The following C12orf42 variants were observed in gnomAD, a reference collection of about 807,000 sequenced individuals.
C12orf42 encodes the protein chromosome 12 open reading frame 42, also known as uncharacterized protein C12orf42.
C12orf42 carries 25 observed loss-of-function variants against 21.6 expected under a neutral mutation model. The observed-to-expected ratio is 1.16, with a 90% confidence interval of 0.84 to 1.62. C12orf42 has a LOEUF of 1.62. Among genes scored for constraint, C12orf42 ranks in the 40% most tolerant of loss-of-function variants. The probability of loss-of-function intolerance (pLI) is 0.00; values close to 1 mark genes in which losing one functional copy is unlikely to be tolerated. For missense variants in C12orf42, 483 were observed against 459.3 expected (o/e 1.05, Z -0.47); for synonymous variants, 174 against 175.0 (o/e 0.99, Z 0.05).
At chr12:103,079,176 A>G in the C12orf42 span, among the ~76,000 whole-genome samples, 1 of 152,160 alleles carries the variant, frequency 6.6e-6, no homozygotes, top group Non-Finnish European at 1.5e-5. Context: ...AATTTTATAG[A>G]TTAAGGAGCC....
chr12:103,370,760 G>GA (rs887974305), intron 3 of C12orf42, among the ~76,000 whole-genome samples: 4 of 151,976 alleles, frequency 2.6e-5, no homozygotes, highest in African/African-American at 7.2e-5. Flanking sequence ...GAAAGAATCA[G>GA]AAAAAATACC....
chr12:103,463,048 C>T (rs552616642), intron 2 of C12orf42, among the ~76,000 whole-genome samples: 32 of 152,242 alleles, frequency 2.1e-4, no homozygotes, highest in African/African-American at 7.0e-4. Flanking sequence ...CCCTCATTTC[C>T]AACTGAAAAG....
At chr12:103,194,080 T>C in the C12orf42 span, among the ~76,000 whole-genome samples, 2 of 152,064 alleles carry the variant, frequency 1.3e-5, no homozygotes, top group East Asian at 3.9e-4. Flanking sequence ...AATCATATTA[T>C]CATCTCAATA....
the C12orf42 span, among the ~76,000 whole-genome samples, chr12:103,210,639 C>CTTTTTTTTTTTT: frequency 5.1e-3 from 397 of 77,344 alleles, 1 homozygote; most frequent in Non-Finnish European, 7.0e-3. Context: ...CCCTCTATTT[C>CTTTTTTTTTTTT]TTTTTTTTTT....
chr12:103,369,259 C>T (rs953573178), intron 3 of C12orf42, among the ~76,000 whole-genome samples: 2 of 151,834 alleles, frequency 1.3e-5, no homozygotes, highest in Admixed American at 1.3e-4. Flanking sequence ...TATTCAGTTA[C>T]ACTATATGCT....
At chr12:103,422,494 G>A (rs561213415) in intron 2 of C12orf42, among the ~76,000 whole-genome samples, 67 of 152,204 alleles carry the variant, frequency 4.4e-4, no homozygotes, top group East Asian at 1.2e-3. Flanking sequence ...TACTGGATGC[G>A]GTACATTTCA....
At chr12:103,486,572 T>A (rs373049679) in intron 1 of C12orf42, among the ~76,000 whole-genome samples, 1 of 152,234 alleles carries the variant, frequency 6.6e-6, no homozygotes, top group Non-Finnish European at 1.5e-5. Flanking sequence ...GGAATTTGGC[T>A]ATGAATCCAT....
chr12:103,315,924 G>A (rs530677050), intron 4 of C12orf42, among the ~76,000 whole-genome samples: 2 of 151,630 alleles, frequency 1.3e-5, no homozygotes, highest in South Asian at 2.1e-4. Flanking sequence ...AACTTGATGG[G>A]GCCATTCCAC....
At chr12:103,522,021 C>T in the C12orf42 span, among the ~76,000 whole-genome samples, 173 of 152,284 alleles carry the variant, frequency 1.1e-3, no homozygotes, top group Non-Finnish European at 2.0e-3. Context: ...ACCTTTTGTG[C>T]ACCTCATGTT....
chr12:103,556,190 C>T, the C12orf42 span, among the ~76,000 whole-genome samples: 7 of 152,210 alleles, frequency 4.6e-5, no homozygotes, highest in Admixed American at 2.0e-4. Flanking sequence ...AAAATTCCTA[C>T]GTCAAAGTTA....
the C12orf42 span, among the ~76,000 whole-genome samples, chr12:103,215,329 T>A: frequency 1.3e-5 from 2 of 152,136 alleles, no homozygotes; most frequent in South Asian, 4.1e-4. Flanking sequence ...AACTCATATA[T>A]ATATACTAAT....
intron 10 of C12orf42, among the ~76,000 whole-genome samples, chr12:103,261,975 C>T (rs542226540): frequency 2.6e-5 from 4 of 152,244 alleles, no homozygotes; most frequent in Admixed American, 6.5e-5. Flanking sequence ...ACACTAACAG[C>T]CAGAACTGTT....
intron 2 of C12orf42, chr12:103,478,016 C>A (rs1435552860): frequency 5.1e-6 from 1 of 196,518 alleles, no homozygotes; most frequent in South Asian, 1.0e-4. Context: ...ACAATACCAG[C>A]AGCTTTAAAG....
chr12:103,159,023 A>G, the C12orf42 span, among the ~76,000 whole-genome samples: 1 of 152,202 alleles, frequency 6.6e-6, no homozygotes, highest in East Asian at 1.9e-4. Flanking sequence ...TTCCATCAAT[A>G]ATCTATCACA....
the C12orf42 span, among the ~76,000 whole-genome samples, chr12:103,198,105 A>T: frequency 5.4e-4 from 83 of 152,358 alleles, no homozygotes; most frequent in South Asian, 9.3e-3. Context: ...AGAAGCAGGC[A>T]GTGACAGTGA....
chr12:103,160,583 A>G, the C12orf42 span, among the ~76,000 whole-genome samples: 1 of 152,200 alleles, frequency 6.6e-6, no homozygotes, highest in African/African-American at 2.4e-5. Context: ...AGATCCCTCA[A>G]GACTACAGCA....
the C12orf42 span, among the ~76,000 whole-genome samples, chr12:103,140,322 G>T: frequency 6.6e-6 from 1 of 152,176 alleles, no homozygotes; most frequent in Non-Finnish European, 1.5e-5. Flanking sequence ...ACCTAATCTA[G>T]TCTAAATATT....
the C12orf42 span, chr12:103,506,094 C>A: frequency 8.5e-3 from 1,892 of 223,116 alleles, 42 homozygotes; most frequent in African/African-American, 0.042. Context: ...ACCCCTGGAG[C>A]TTTTCCTAGA....
At chr12:103,108,163 T>G in the C12orf42 span, among the ~76,000 whole-genome samples, 5 of 151,224 alleles carry the variant, frequency 3.3e-5, no homozygotes, top group Non-Finnish European at 7.4e-5. Flanking sequence ...ATAAATAAAT[T>G]TAATCTATAT....
Sources: gnomAD v4.1 joint callset for allele counts (sites outside exome capture counted in the v4.1 genomes callset) on GRCh38, gnomAD v4.1.1 for gene constraint, MANE v1.5 for transcripts, NCBI Gene and HGNC (gene_info 2026-07-23, HGNC 2026-07-21) for gene names.